Variants in HSPG2 observed in about 807,000 individuals in gnomAD.
HSPG2 encodes heparan sulfate proteoglycan 2.
HSPG2 carries 278 observed loss-of-function variants against 526.6 expected under a neutral mutation model. That is an observed-to-expected ratio of 0.53 (90% confidence interval 0.48 to 0.58). The LOEUF (loss-of-function observed/expected upper bound fraction) is 0.58. Ranked by LOEUF, HSPG2 falls within the 20% of genes least tolerant of loss-of-function variation. The pLI, the probability that HSPG2 is intolerant of heterozygous loss-of-function variation, is 0.00. For synonymous variants in HSPG2, 2,465 were observed against 2,555.4 expected (o/e 0.96, Z 1.07); for missense variants, 5,354 against 6,099.5 (o/e 0.88, Z 4.07).
rs574389124 is a variant in HSPG2 at position 21,827,786 on chromosome 1, G to A, written c.12589+77C>T. ...TCATATAAAGCTGTTTTGCTTGCAG[G>A]CCAGAATTGAGGGTGTGGGGTAACT... On this transcript the variant is annotated intron_variant, in intron 91 of 96. Coordinates refer to ENST00000374695, the MANE Select transcript of HSPG2 (RefSeq NM_005529.7). 11 of 1,438,456 alleles carry A rather than the reference G, an allele frequency of 7.6e-6. No individual in the cohort carries two copies. The African/African-American group carries it at 9.8e-5, about 13-fold the overall frequency. 89.1% of individuals were successfully genotyped at this position (1,438,456 alleles called of 1,614,324 possible). A position where few individuals can be genotyped will look rare whatever the true frequency, so the allele number is the denominator to read the frequency against.
rs138620013 is a variant in HSPG2 at position 21,864,751 on chromosome 1, T to C, written c.4626+92A>G. On this transcript the variant is annotated intron_variant, in intron 36 of 96. Transcript: ENST00000374695. The surrounding 1 kb of genome is among the most constrained non-coding windows in gnomAD (Gnocchi z 4.8). The stretch of plus-strand genomic sequence containing the variant: ...CCAGATGCAGGGGTCATTATAGTTA[T>C]GATGGTAATCAAGGCTGCGGCGACG... 5.3e-5 allele frequency: 55 copies of C among 1,030,290 alleles called. No homozygotes were observed. The African/African-American group carries it at 7.4e-4, about 14-fold the overall frequency. 63.8% of individuals were successfully genotyped at this position (1,030,290 alleles called of 1,614,324 possible).
chr1:21,844,151 G>C lies in HSPG2; in HGVS notation c.8613C>G (p.His2871Gln), dbSNP rs772362738. Residue 2871 changes from histidine to glutamine, a missense_variant, in exon 65 of 97, where the codon CAC (histidine) becomes CAG (glutamine). Coordinates refer to ENST00000374695, the MANE Select transcript of HSPG2 (RefSeq NM_005529.7). ...CATCCTTCTCCAGCTCCTTTACCTGGTGCCGGGCAGGGAGGTTTCCTCCAC... is the reference window on the plus strand; with the variant it reads ...CATCCTTCTCCAGCTCCTTTACCTGCTGCCGGGCAGGGAGGTTTCCTCCAC... ...HKRGGNLPAR[H>Q]QVHGPLLRLN... 1 of 1,612,976 alleles carries C rather than the reference G, an allele frequency of 6.2e-7. No individual in the cohort carries two copies. The highest frequency in any genetic ancestry group is 8.5e-7 in the Non-Finnish European group (1 of 1,179,980).
chr1:21,851,473 C>A, intron 55 of HSPG2, 73 bp downstream of exon 55: 1 of 1,599,168 alleles, frequency 6.3e-7, no homozygotes, highest in South Asian at 1.1e-5. Flanking sequence ...GAGCCTCTAG[C>A]CCTCCCCCAA....
Position 21,842,976 on chromosome 1 carries a change from G to C in HSPG2, c.8759-55C>G. 3 of 1,601,264 alleles carry C rather than the reference G, an allele frequency of 1.9e-6. No homozygotes were observed. The Admixed American group carries it at 5.0e-5, about 27-fold the overall frequency. Reference sequence around the variant, plus strand: ...CCAGGCTCCGGGGATCAAGGCAGGGGCTGAAGGTGGTGGCAGTGAAGACCA... The same window carrying C: ...CCAGGCTCCGGGGATCAAGGCAGGGCCTGAAGGTGGTGGCAGTGAAGACCA... On this transcript the variant is annotated intron_variant, in intron 66 of 96. Coordinates refer to ENST00000374695, the MANE Select transcript of HSPG2 (RefSeq NM_005529.7).
Position 21,829,978 on chromosome 1 carries a change from C to A in HSPG2, c.11770+15G>T. ...ACACTAGGACCCTGGGGGTCTCAGG[C>A]CTGGCTCCCCTCACCTTCCTCACAC... On this transcript the variant is annotated intron_variant, in intron 86 of 96. Coordinates refer to ENST00000374695, the MANE Select transcript of HSPG2 (RefSeq NM_005529.7). 6.3e-7 allele frequency: 1 copy of A among 1,595,730 alleles called. No homozygotes were observed. The highest frequency in any genetic ancestry group is 8.5e-7 in the Non-Finnish European group (1 of 1,171,064).
rs551692811 is a variant in HSPG2 at position 21,887,999 on chromosome 1, G to C, written c.642C>G (p.Ala214=). Residue 214 remains alanine, a synonymous_variant, in exon 7 of 97, where the codon GCC becomes GCG. Coordinates refer to ENST00000374695, the MANE Select transcript of HSPG2 (RefSeq NM_005529.7). The surrounding 1 kb of genome is among the most constrained non-coding windows in gnomAD (Gnocchi z 5.0). ...GCCGCCGGTCACAGCGATACTCCAG[G>C]GCCACACACTCATTGTAGCTGTGGC... is the stretch of plus-strand genomic sequence containing the variant. The part of the protein sequence containing the change: ...FACHSYNECV[A]LEYRCDRRPD... 6 of 1,614,098 alleles carry C rather than the reference G, an allele frequency of 3.7e-6. No homozygotes were observed. Among genetic ancestry groups the C allele is most frequent in the Non-Finnish European group, 1.7e-6 (2 of 1,180,032 alleles).
intron 1 of HSPG2, among the ~76,000 whole-genome samples, chr1:21,913,207 C>T (rs867889165): frequency 6.6e-6 from 1 of 152,072 alleles, no homozygotes; most frequent in Non-Finnish European, 1.5e-5. Flanking sequence ...ACAGATGAGG[C>T]CTCTGGGAGG....
chr1:21,873,110 A>T lies in HSPG2; in HGVS notation c.3794-19T>A. ...CTGTCTCCTGAGGTGGAAGAAAGCCATGGCTGGAGCCCCAAACCCGCCACC... is the reference window on the plus strand; with the variant it reads ...CTGTCTCCTGAGGTGGAAGAAAGCCTTGGCTGGAGCCCCAAACCCGCCACC... On this transcript the variant is annotated intron_variant, in intron 30 of 96. Transcript: ENST00000374695. 6.3e-7 allele frequency: 1 copy of T among 1,592,606 alleles called. No individual in the cohort carries two copies. The highest frequency in any genetic ancestry group is 8.5e-7 in the Non-Finnish European group (1 of 1,173,368).
chr1:21,863,599 A>G (rs1639995703), intron 37 of HSPG2, among the ~76,000 whole-genome samples: 1 of 149,188 alleles, frequency 6.7e-6, no homozygotes, highest in Admixed American at 6.7e-5. Context: ...ATATGTAATG[A>G]GGCCAGGCAC....
rs1557707344 is a variant in HSPG2 at position 21,847,627 on chromosome 1, C to T, written c.8025+62G>A. 1.2e-6 allele frequency: 2 copies of T among 1,603,910 alleles called. No individual in the cohort carries two copies. Among genetic ancestry groups the T allele is most frequent in the African/African-American group, 2.7e-5 (2 of 74,660 alleles). ...AGGGCCCAATCCGTGAGACAGGGAG[C>T]CTGCTCTGCTCACCCCAGGAGACCA... On this transcript the variant is annotated intron_variant, in intron 61 of 96. Coordinates refer to ENST00000374695, the MANE Select transcript of HSPG2 (RefSeq NM_005529.7). The surrounding 1 kb of genome is among the most constrained non-coding windows in gnomAD (Gnocchi z 4.1).
At chr1:21,875,479 G>T in intron 25 of HSPG2, 150 bp downstream of exon 25, 1 of 713,136 alleles carries the variant, frequency 1.4e-6, no homozygotes, top group Non-Finnish European at 2.5e-6. Context: ...AGCCTGTATG[G>T]GAGACATTGT....
Position 21,904,404 on chromosome 1 carries a change from G to A in HSPG2, c.64-8094C>T, listed in dbSNP as rs543610668. Among the ~76,000 whole-genome samples the A allele has an allele frequency of 8.5e-5, 13 of 152,318 alleles. No homozygotes were observed. The highest frequency in any genetic ancestry group is 3.1e-4 in the African/African-American group (13 of 41,566). On this transcript the variant is annotated intron_variant, in intron 1 of 96. Transcript: ENST00000374695. The surrounding 1 kb of genome is among the most constrained non-coding windows in gnomAD (Gnocchi z 4.4). ...GGTGGGAGGAAGCCTGGTGCAGCGG[G>A]ACACGCGTGTGAGTGGCAGAGGAGT...
At chr1:21,846,083 C>T (rs370817460) in intron 64 of HSPG2, 25 bp downstream of exon 64, 2 of 1,611,508 alleles carry the variant, frequency 1.2e-6, no homozygotes. Context: ...CCCCGGCCTT[C>T]CCGTCCCACT....
chr1:21,867,252 G>A (rs1009302639), intron 33 of HSPG2, among the ~76,000 whole-genome samples: 27 of 151,374 alleles, frequency 1.8e-4, no homozygotes, highest in Admixed American at 1.1e-3. Context: ...CACCATGCCC[G>A]GCCGATTTAT....
In HSPG2 at chr1:21,895,799, A is replaced by AC. The variant is rs1642705092; in HGVS notation, c.244+122dup. 2.3e-6 allele frequency: 2 copies of AC among 881,652 alleles called. No individual in the cohort carries two copies. Among genetic ancestry groups the AC allele is most frequent in the African/African-American group, 1.6e-5 (1 of 60,860 alleles). 54.6% of individuals were successfully genotyped at this position (881,652 alleles called of 1,614,324 possible). ...CTGTCACTCAGCAGGTTAAGAGATC[A>AC]CACCCACTTCTTCTTGCTTTGTACC... On this transcript the variant is annotated intron_variant, in intron 3 of 96. Transcript: ENST00000374695. This position sits in a 1 kb window ranked among gnomAD's most constrained non-coding sequence, Gnocchi z 4.1.
At chr1:21,873,899 C>T (rs1165334735) in intron 29 of HSPG2, 26 bp downstream of exon 29, 1 of 1,549,082 alleles carries the variant, frequency 6.5e-7, no homozygotes, top group Non-Finnish European at 8.7e-7. Context: ...TGCGCATCCC[C>T]CCACCCTCTC....
At position 21,887,839 on chromosome 1, in the gene HSPG2, C is replaced by T; in HGVS notation, c.703+99G>A. ...CCTATGCCCCCATCCTCTGCCTGCA[C>T]CAAACCCTCATAGTCCTTGATGGGC... On this transcript the variant is annotated intron_variant, in intron 7 of 96. Transcript: ENST00000374695. This position sits in a 1 kb window ranked among gnomAD's most constrained non-coding sequence, Gnocchi z 5.0. 6.3e-7 allele frequency: 1 copy of T among 1,596,696 alleles called. No homozygotes were observed. The highest frequency in any genetic ancestry group is 1.1e-5 in the South Asian group (1 of 90,660).
chr1:21,895,020 A>G lies in HSPG2; in HGVS notation c.244+902T>C, dbSNP rs1420400932. ...CCCAGTTAGGATGCTACCCACTGGC[A>G]TTTGAAGGCCCCGGATATGTCAGCT... On this transcript the variant is annotated intron_variant, in intron 3 of 96. Coordinates refer to ENST00000374695, the MANE Select transcript of HSPG2 (RefSeq NM_005529.7). This position sits in a 1 kb window ranked among gnomAD's most constrained non-coding sequence, Gnocchi z 4.1. 6.6e-6 allele frequency among the ~76,000 whole-genome samples: 1 copy of G among 152,224 alleles called. No individual in the cohort carries two copies. Among genetic ancestry groups the G allele is most frequent in the East Asian group, 1.9e-4 (1 of 5,194 alleles).
At chr1:21,851,279 T>C (rs1197477400) in intron 55 of HSPG2, 2 of 542,998 alleles carry the variant, frequency 3.7e-6, no homozygotes, top group Middle Eastern at 5.1e-4. Flanking sequence ...GGCTGGTACG[T>C]ACCATTGTTA....
Sources: allele counts gnomAD v4.1 joint callset (sites outside exome capture counted in the v4.1 genomes callset), GRCh38; gene constraint gnomAD v4.1.1; non-coding constraint Gnocchi (gnomAD v3.1); transcripts MANE v1.5; gene names NCBI Gene and HGNC (gene_info 2026-07-23, HGNC 2026-07-21).